The following SLC12A1 variants were observed in gnomAD, a reference collection of about 807,000 sequenced individuals.
SLC12A1 encodes Na-K-2Cl cotransporter.
SLC12A1 carries 89 observed loss-of-function variants against 130.4 expected under a neutral mutation model. The observed-to-expected ratio is 0.68, with a 90% CI of 0.58 to 0.81. The LOEUF (loss-of-function observed/expected upper bound fraction) is 0.81, where lower values mean the gene tolerates loss of function less well. Ranked by LOEUF, SLC12A1 falls within the 40% of genes least tolerant of loss-of-function variation. SLC12A1 has a pLI of 0.00. For synonymous variants in SLC12A1, 499 were observed against 460.0 expected, an observed-to-expected ratio of 1.08 and a Z score of -1.09; for missense variants, 1,310 against 1,336.4, an observed-to-expected ratio of 0.98 and a Z score of 0.31.
At chr15:48,291,995 C>T in intron 24 of SLC12A1, 131 bp downstream of exon 24, 2 of 620,338 alleles carry the variant, frequency 3.2e-6, no homozygotes, top group Non-Finnish European at 5.7e-6. Context: ...ATAAGAAGAG[C>T]CTTCAAATAA....
At chr15:48,295,023 T>A (rs1406773672) in intron 24 of SLC12A1, among the ~76,000 whole-genome samples, 1 of 151,678 alleles carries the variant, frequency 6.6e-6, no homozygotes, top group East Asian at 1.9e-4. Context: ...GAGATCCTCC[T>A]GCCTCAGCCT....
intron 17 of SLC12A1, among the ~76,000 whole-genome samples, chr15:48,266,635 T>C (rs1670031921): frequency 6.6e-6 from 1 of 152,108 alleles, no homozygotes; most frequent in South Asian, 2.1e-4. Context: ...CCCAAGTGAT[T>C]CATGTAAAAT....
chr15:48,257,500 C>T (rs1303440725), intron 16 of SLC12A1, among the ~76,000 whole-genome samples: 1 of 152,202 alleles, frequency 6.6e-6, no homozygotes, highest in Non-Finnish European at 1.5e-5. Context: ...CAGGCATTTC[C>T]ATACATCCTC....
intron 18 of SLC12A1, among the ~76,000 whole-genome samples, chr15:48,268,857 C>G (rs1382401580): frequency 2.0e-5 from 3 of 151,872 alleles, no homozygotes; most frequent in African/African-American, 7.3e-5. Flanking sequence ...ATATTTTCAA[C>G]TAGGAATGGG....
intron 16 of SLC12A1, among the ~76,000 whole-genome samples, chr15:48,256,828 C>CA (rs927027066): frequency 1.4e-5 from 2 of 145,138 alleles, no homozygotes; most frequent in South Asian, 2.4e-4. Flanking sequence ...CCTGGCCCCC[C>CA]CCCCCAAATT....
At chr15:48,291,309 TTTATATA>T (rs1216144493) in intron 23 of SLC12A1, among the ~76,000 whole-genome samples, 1 of 149,822 alleles carries the variant, frequency 6.7e-6, no homozygotes, top group Non-Finnish European at 1.5e-5. Context: ...TTATAATATG[TTTATATA>T]TTATATAATT....
At chr15:48,288,338 A>G in intron 22 of SLC12A1, 67 bp from the exon 23 acceptor site, 1 of 1,061,168 alleles carries the variant, frequency 9.4e-7, no homozygotes, top group East Asian at 2.6e-5. Flanking sequence ...ATGAATAAAG[A>G]TATAAAGCTA....
chr15:48,256,832 C>CA (rs898365422), intron 16 of SLC12A1, among the ~76,000 whole-genome samples: 19 of 148,072 alleles, frequency 1.3e-4, no homozygotes, highest in Non-Finnish European at 2.1e-4. Flanking sequence ...GCCCCCCCCC[C>CA]CAAATTTCTT....
chr15:48,208,173 T>G, intron 2 of SLC12A1, 34 bp downstream of exon 2: 1 of 1,528,826 alleles, frequency 6.5e-7, no homozygotes, highest in Non-Finnish European at 8.8e-7. Flanking sequence ...GTCTCCTCCC[T>G]TATTCATAAC....
At chr15:48,290,699 A>G (rs1309529608) in intron 23 of SLC12A1, among the ~76,000 whole-genome samples, 1 of 151,756 alleles carries the variant, frequency 6.6e-6, no homozygotes, top group African/African-American at 2.4e-5. Context: ...GTATGACTGC[A>G]TATATATTAT....
intron 7 of SLC12A1, among the ~76,000 whole-genome samples, chr15:48,230,981 TTAAC>T (rs1226136476): frequency 3.9e-5 from 6 of 152,222 alleles, no homozygotes; most frequent in Non-Finnish European, 7.3e-5. Context: ...ATCTCTGAGT[TTAAC>T]TAGTGATAAA....
chr15:48,257,027 A>C (rs2041715578), intron 16 of SLC12A1, among the ~76,000 whole-genome samples: 1 of 152,232 alleles, frequency 6.6e-6, no homozygotes, highest in Non-Finnish European at 1.5e-5. Context: ...GGATACAGGC[A>C]TTTGGTAAAT....
chr15:48,225,918 C>A (rs1436686003), intron 4 of SLC12A1: 3 of 984,110 alleles, frequency 3.0e-6, no homozygotes, highest in Non-Finnish European at 3.6e-6. Context: ...TCCACCTCTG[C>A]TATTGCCACA....
chr15:48,278,072 C>T (rs1276886707), intron 20 of SLC12A1, among the ~76,000 whole-genome samples: 1 of 152,230 alleles, frequency 6.6e-6, no homozygotes, highest in Non-Finnish European at 1.5e-5. Flanking sequence ...CTAACTCCCA[C>T]TCAGTGAGTA....
At chr15:48,221,246 T>C (rs2041211518) in intron 4 of SLC12A1, 2 of 684,596 alleles carry the variant, frequency 2.9e-6, no homozygotes, top group Admixed American at 4.2e-5. Flanking sequence ...TTTGATAGAG[T>C]TTTAGGTACA....
At chr15:48,241,130 A>C (rs759992559) in intron 9 of SLC12A1, among the ~76,000 whole-genome samples, 89 of 152,230 alleles carry the variant, frequency 5.8e-4, no homozygotes, top group Admixed American at 6.5e-4. Context: ...CAGAGATATT[A>C]TCCACATGCC....
intron 5 of SLC12A1, chr15:48,227,474 C>T (rs2041305592): frequency 8.3e-6 from 3 of 363,302 alleles, no homozygotes; most frequent in Non-Finnish European, 5.2e-6. Context: ...GGATGAGACC[C>T]ACTGGCTCTC....
At chr15:48,288,217 T>C (rs765470004) in intron 22 of SLC12A1, 43 bp downstream of exon 22, 6 of 1,575,490 alleles carry the variant, frequency 3.8e-6, no homozygotes, top group Non-Finnish European at 4.3e-6. Context: ...GAATTTCAAT[T>C]TTGATAAACT....
chr15:48,226,667 G>T (rs913392074), intron 5 of SLC12A1, 96 bp downstream of exon 5: 1 of 762,314 alleles, frequency 1.3e-6, no homozygotes, highest in African/African-American at 1.8e-5. Flanking sequence ...GAAGTAGCCC[G>T]ATGTTCTTGA....
Sources: allele counts gnomAD v4.1 joint callset (sites outside exome capture counted in the v4.1 genomes callset), GRCh38; gene constraint gnomAD v4.1.1; transcripts MANE v1.5; gene names NCBI Gene and HGNC (gene_info 2026-07-23, HGNC 2026-07-21).